The following SLC9A9 variants were observed in gnomAD, a reference collection of about 807,000 sequenced individuals.
SLC9A9 encodes sodium/hydrogen exchanger 9.
Under a neutral mutation model 77.8 loss-of-function variants are expected in SLC9A9, and 62 were observed. That is an observed-to-expected ratio of 0.80 (90% confidence interval 0.65 to 0.98). The LOEUF is 0.98. Ranked by LOEUF, SLC9A9 falls within the 50% of genes least tolerant of loss-of-function variation. The pLI, the probability that SLC9A9 is intolerant of heterozygous loss-of-function variation, is 0.00. For synonymous variants in SLC9A9, 320 were observed against 283.5 expected (o/e 1.13, Z -1.29); for missense variants, 775 against 774.9 (o/e 1.00, Z 0.00).
At chr3:143,447,781 G>A (rs572608964) in intron 12 of SLC9A9, among the ~76,000 whole-genome samples, 1 of 152,212 alleles carries the variant, frequency 6.6e-6, no homozygotes, top group South Asian at 2.1e-4. Flanking sequence ...TCATAGCCCC[G>A]CTGTCTACCC....
intron 2 of SLC9A9, among the ~76,000 whole-genome samples, chr3:143,810,830 G>A (rs2008845877): frequency 6.6e-6 from 1 of 152,118 alleles, no homozygotes; most frequent in Admixed American, 6.5e-5. Flanking sequence ...ATATTATAGA[G>A]AGACTGACTC....
intron 4 of SLC9A9, among the ~76,000 whole-genome samples, chr3:143,736,877 T>A (rs1384899456): frequency 6.6e-6 from 1 of 152,202 alleles, no homozygotes; most frequent in African/African-American, 2.4e-5. Context: ...AAAGTATTAA[T>A]CAGCTCTGAG....
intron 4 of SLC9A9, among the ~76,000 whole-genome samples, chr3:143,714,980 T>C (rs1309795244): frequency 2.0e-5 from 3 of 152,156 alleles, no homozygotes; most frequent in Admixed American, 2.0e-4. Flanking sequence ...GATTTGTTGG[T>C]TTTAAAAATG....
intron 13 of SLC9A9, among the ~76,000 whole-genome samples, chr3:143,374,350 G>C (rs887845190): frequency 6.7e-6 from 1 of 149,056 alleles, no homozygotes; most frequent in Non-Finnish European, 1.5e-5. Flanking sequence ...GCGTGAACCC[G>C]GGAGGCGGAG....
intron 13 of SLC9A9, among the ~76,000 whole-genome samples, chr3:143,373,955 GT>G (rs2033116104): frequency 6.6e-6 from 1 of 152,084 alleles, no homozygotes; most frequent in African/African-American, 2.4e-5. Flanking sequence ...TCAACCAAGA[GT>G]TCCAAGAAAT....
At chr3:143,467,269 G>T in intron 11 of SLC9A9, 79 bp from the exon 12 acceptor site, 1 of 1,531,138 alleles carries the variant, frequency 6.5e-7, no homozygotes. Flanking sequence ...TTTACAATTT[G>T]CTGACACAAT....
chr3:143,382,595 A>T (rs1169838447), intron 12 of SLC9A9, among the ~76,000 whole-genome samples: 1 of 152,204 alleles, frequency 6.6e-6, no homozygotes, highest in East Asian at 1.9e-4. Flanking sequence ...AGCCTGAGGC[A>T]TATACAATTT....
In SLC9A9 at chr3:143,370,411, A is replaced by G. The variant is rs1315547509; in HGVS notation, c.1525-6848T>C. 2.6e-5 allele frequency among the ~76,000 whole-genome samples: 4 copies of G among 152,346 alleles called. No individual in the cohort carries two copies. The East Asian group carries it at 7.7e-4, about 29-fold the overall frequency. Reference sequence around the variant, plus strand: ...TACAGATTGAAGATTAAATACAAAGACAAAAAATGATGGACCAACTTAGAG... The same window carrying G: ...TACAGATTGAAGATTAAATACAAAGGCAAAAAATGATGGACCAACTTAGAG... On this transcript the variant is annotated intron_variant, in intron 13 of 15. Transcript: ENST00000316549.
chr3:143,419,921 T>C (rs1384480723), intron 12 of SLC9A9, among the ~76,000 whole-genome samples: 1 of 152,224 alleles, frequency 6.6e-6, no homozygotes, highest in African/African-American at 2.4e-5. Flanking sequence ...TGCCAAGGAC[T>C]GTGGTCATTT....
chr3:143,686,408 C>T (rs1868174), intron 5 of SLC9A9, among the ~76,000 whole-genome samples: 116,196 of 151,942 alleles, frequency 0.76, 45,469 homozygotes, highest in East Asian at 0.88. Context: ...AAGTAAGGCA[C>T]GGACAGGGGA....
At chr3:143,730,790 G>C (rs940459510) in intron 4 of SLC9A9, among the ~76,000 whole-genome samples, 6 of 151,930 alleles carry the variant, frequency 3.9e-5, no homozygotes, top group African/African-American at 1.5e-4. Flanking sequence ...TGGATGGATG[G>C]GTGAACAGGG....
chr3:143,814,535 T>G (rs1228445286), intron 2 of SLC9A9, among the ~76,000 whole-genome samples: 1 of 152,152 alleles, frequency 6.6e-6, no homozygotes, highest in Non-Finnish European at 1.5e-5. Flanking sequence ...CACTCCTTCA[T>G]GCAGGGCTGC....
chr3:143,503,447 C>G (rs543432501), intron 9 of SLC9A9: 20 of 356,738 alleles, frequency 5.6e-5, no homozygotes, highest in African/African-American at 3.9e-4. Context: ...CTGGTGCTCA[C>G]GATGCCCAGG....
At chr3:143,802,070 TC>T (rs1444567946) in intron 2 of SLC9A9, among the ~76,000 whole-genome samples, 1 of 152,176 alleles carries the variant, frequency 6.6e-6, no homozygotes, top group Non-Finnish European at 1.5e-5. Flanking sequence ...CAGCTAGTGT[TC>T]CAACTTCTGT....
At chr3:143,283,039 A>G (rs1938271653) in intron 14 of SLC9A9, among the ~76,000 whole-genome samples, 1 of 152,192 alleles carries the variant, frequency 6.6e-6, no homozygotes, top group South Asian at 2.1e-4. Flanking sequence ...CTCTTGTTAG[A>G]CTGTGAGCTC....
chr3:143,363,649 AACT>A, intron 13 of SLC9A9, 86 bp from the exon 14 acceptor site: 1 of 1,244,510 alleles, frequency 8.0e-7, no homozygotes, highest in South Asian at 1.3e-5. Flanking sequence ...AGTTAAATTT[AACT>A]ACATTTAAAA....
chr3:143,286,515 C>A (rs895545123), intron 14 of SLC9A9, among the ~76,000 whole-genome samples: 2 of 152,208 alleles, frequency 1.3e-5, no homozygotes, highest in African/African-American at 4.8e-5. Context: ...TCAGTACAGG[C>A]AGAGGCCAGG....
chr3:143,434,530 G>A (rs1361098316), intron 12 of SLC9A9, among the ~76,000 whole-genome samples: 1 of 152,106 alleles, frequency 6.6e-6, no homozygotes, highest in Admixed American at 6.5e-5. Flanking sequence ...AACCACCGTA[G>A]CCCCTTCATG....
intron 8 of SLC9A9, among the ~76,000 whole-genome samples, chr3:143,569,980 T>G (rs2037232402): frequency 6.6e-6 from 1 of 151,798 alleles, no homozygotes; most frequent in Admixed American, 6.6e-5. Flanking sequence ...CAGATACTTT[T>G]TTTTTTTTAG....
Sources: gnomAD v4.1 joint callset for allele counts (sites outside exome capture counted in the v4.1 genomes callset) on GRCh38, gnomAD v4.1.1 for gene constraint, MANE v1.5 for transcripts, NCBI Gene and HGNC (gene_info 2026-07-23, HGNC 2026-07-21) for gene names.